AMBRA1: variants seen among roughly 807,000 people sequenced by gnomAD.
AMBRA1 encodes the protein activating molecule in BECN1-regulated autophagy protein 1.
AMBRA1 carries 47 observed loss-of-function variants against 125.4 expected under a neutral mutation model. The ratio of observed to expected loss-of-function variants is 0.37; its 90% confidence interval spans 0.30 to 0.48. The LOEUF (loss-of-function observed/expected upper bound fraction) is 0.48, where lower values mean the gene tolerates loss of function less well. Among genes scored for constraint, AMBRA1 ranks in the 20% least tolerant of loss-of-function variants. The probability of loss-of-function intolerance (pLI) is 0.99; values close to 1 mark genes in which losing one functional copy is unlikely to be tolerated. For synonymous variants in AMBRA1, 626 were observed against 655.5 expected, an observed-to-expected ratio of 0.95 and a Z score of 0.69; for missense variants, 1,331 against 1,693.4, an observed-to-expected ratio of 0.79 and a Z score of 3.76.
chr11:46,470,564 G>A (rs996697129), intron 11 of AMBRA1, among the ~76,000 whole-genome samples: 1 of 148,838 alleles, frequency 6.7e-6, no homozygotes, highest in Non-Finnish European at 1.5e-5. Flanking sequence ...ACTCCAGCCT[G>A]GGCGACAGAG....
At chr11:46,454,579 C>CAAAA (rs777518872) in intron 11 of AMBRA1, among the ~76,000 whole-genome samples, 3 of 50,494 alleles carry the variant, frequency 5.9e-5, no homozygotes, top group Non-Finnish European at 1.1e-4. Context: ...ACTAAAAATA[C>CAAAA]AAAAAAAAAA....
intron 1 of AMBRA1, among the ~76,000 whole-genome samples, chr11:46,569,067 A>G (rs2043652484): frequency 6.6e-6 from 1 of 151,688 alleles, no homozygotes; most frequent in Non-Finnish European, 1.5e-5. Context: ...TTGGCCTCCC[A>G]AAGTGCTAGG....
intron 1 of AMBRA1, among the ~76,000 whole-genome samples, chr11:46,551,983 G>A (rs534466171): frequency 6.6e-5 from 10 of 151,254 alleles, no homozygotes; most frequent in African/African-American, 1.2e-4. Flanking sequence ...AGCCAAGATC[G>A]CACCACTGCA....
At chr11:46,512,995 A>G (rs934273022) in intron 7 of AMBRA1, among the ~76,000 whole-genome samples, 182 bp from the exon 8 acceptor site, 8 of 152,256 alleles carry the variant, frequency 5.3e-5, no homozygotes, top group Non-Finnish European at 1.5e-5. Context: ...GAAGAGCTGC[A>G]AAACTCCCAC....
intron 1 of AMBRA1, among the ~76,000 whole-genome samples, chr11:46,565,493 G>T (rs2043490225): frequency 6.6e-6 from 1 of 151,038 alleles, no homozygotes; most frequent in Non-Finnish European, 1.5e-5. Flanking sequence ...GATTGCTTGA[G>T]CCCAAGAGTT....
At chr11:46,432,503 T>C (rs1947501817) in intron 14 of AMBRA1, among the ~76,000 whole-genome samples, 1 of 152,182 alleles carries the variant, frequency 6.6e-6, no homozygotes, top group African/African-American at 2.4e-5. Flanking sequence ...TCTATCACTT[T>C]GTATATAATG....
chr11:46,433,826 CATA>C (rs1947572252), intron 13 of AMBRA1, among the ~76,000 whole-genome samples, 198 bp from the exon 14 acceptor site: 1 of 152,106 alleles, frequency 6.6e-6, no homozygotes, highest in African/African-American at 2.4e-5. Flanking sequence ...ATAGAAAGCA[CATA>C]ATAAGGCTGA....
At chr11:46,545,966 A>AATCAG in intron 4 of AMBRA1, 190 bp from the exon 5 acceptor site, 1 of 570,880 alleles carries the variant, frequency 1.8e-6, no homozygotes, top group Non-Finnish European at 3.1e-6. Flanking sequence ...AATACTATAC[A>AATCAG]ATCAGTTCAG....
chr11:46,443,023 G>C (rs1007808287), intron 12 of AMBRA1, among the ~76,000 whole-genome samples: 1 of 152,146 alleles, frequency 6.6e-6, no homozygotes, highest in Non-Finnish European at 1.5e-5. Flanking sequence ...CACCCAGCCT[G>C]TAACTCTCAA....
intron 11 of AMBRA1, among the ~76,000 whole-genome samples, chr11:46,457,843 T>C (rs1054876437): frequency 6.8e-6 from 1 of 148,050 alleles, no homozygotes; most frequent in Non-Finnish European, 1.5e-5. Context: ...GAGGTGGAGG[T>C]TGCAGTGAGT....
intron 11 of AMBRA1, among the ~76,000 whole-genome samples, chr11:46,487,321 A>G (rs1444664429): frequency 6.6e-6 from 1 of 152,080 alleles, no homozygotes; most frequent in East Asian, 1.9e-4. Flanking sequence ...AAAGTTAACA[A>G]TAATAACAAG....
intron 6 of AMBRA1, 23 bp downstream of exon 6, chr11:46,543,952 T>C (rs1555002738): frequency 6.3e-7 from 1 of 1,598,214 alleles, no homozygotes; most frequent in South Asian, 1.1e-5. Flanking sequence ...TTAGCTGGAA[T>C]TGGAACTGCT....
At chr11:46,474,130 C>T (rs1248427227) in intron 11 of AMBRA1, among the ~76,000 whole-genome samples, 1 of 150,898 alleles carries the variant, frequency 6.6e-6, no homozygotes, top group Non-Finnish European at 1.5e-5. Flanking sequence ...GATCCCTGAA[C>T]TTTTACTGGT....
intron 1 of AMBRA1, among the ~76,000 whole-genome samples, chr11:46,591,861 AACAC>A (rs1001992948): frequency 5.9e-5 from 9 of 151,828 alleles, no homozygotes; most frequent in Admixed American, 1.3e-4. Context: ...CGTCTCAAAA[AACAC>A]ACACACAAAA....
intron 11 of AMBRA1, among the ~76,000 whole-genome samples, chr11:46,446,847 T>C (rs572023555): frequency 2.0e-4 from 30 of 152,378 alleles, no homozygotes; most frequent in African/African-American, 6.5e-4. Context: ...GATGCTGTTA[T>C]AGTCATGGAA....
intron 11 of AMBRA1, among the ~76,000 whole-genome samples, chr11:46,452,358 T>C (rs1948649485): frequency 6.6e-6 from 1 of 152,096 alleles, no homozygotes; most frequent in Admixed American, 6.6e-5. Flanking sequence ...GTTGTTGTTG[T>C]TTGTTTTTTA....
intron 7 of AMBRA1, among the ~76,000 whole-genome samples, chr11:46,531,849 G>T (rs112419908): frequency 6.6e-6 from 1 of 152,108 alleles, no homozygotes; most frequent in Non-Finnish European, 1.5e-5. Flanking sequence ...TGGGAGAGGT[G>T]GCTCACGCCT....
intron 8 of AMBRA1, among the ~76,000 whole-genome samples, chr11:46,511,511 A>AT (rs1414620073): frequency 6.6e-6 from 1 of 152,238 alleles, no homozygotes. Context: ...ACTTGGTCTA[A>AT]AGGTTTTTCC....
At chr11:46,415,529 G>A (rs1031912496) in intron 15 of AMBRA1, among the ~76,000 whole-genome samples, 1 of 152,144 alleles carries the variant, frequency 6.6e-6, no homozygotes, top group Non-Finnish European at 1.5e-5. Flanking sequence ...AACTTCCTTA[G>A]GTGTATATTG....
Sources: gnomAD v4.1 joint callset for allele counts (sites outside exome capture counted in the v4.1 genomes callset) on GRCh38, gnomAD v4.1.1 for gene constraint, MANE v1.5 for transcripts, NCBI Gene and HGNC (gene_info 2026-07-23, HGNC 2026-07-21) for gene names.